BTBD9: variants seen among roughly 807,000 people sequenced by gnomAD.
BTBD9 encodes the protein BTB/POZ domain-containing protein 9.
Under a neutral mutation model 64.3 loss-of-function variants are expected in BTBD9, and 49 were observed. The observed-to-expected ratio is 0.76, with a 90% CI of 0.61 to 0.97. The LOEUF is 0.97. Ranked by LOEUF, BTBD9 falls within the 50% of genes least tolerant of loss-of-function variation. The probability of loss-of-function intolerance (pLI) is 0.00; values close to 1 mark genes in which losing one functional copy is unlikely to be tolerated. For synonymous variants in BTBD9, 260 were observed against 274.7 expected, an observed-to-expected ratio of 0.95 and a Z score of 0.53; for missense variants, 598 against 762.1, an observed-to-expected ratio of 0.78 and a Z score of 2.53.
intron 9 of BTBD9, among the ~76,000 whole-genome samples, chr6:38,203,123 A>T (rs969540961): frequency 1.3e-5 from 2 of 152,228 alleles, no homozygotes; most frequent in African/African-American, 2.4e-5. Flanking sequence ...CCACAATGAG[A>T]TATCATCTTA....
chr6:38,189,368 G>T (rs1761953202), intron 10 of BTBD9, among the ~76,000 whole-genome samples: 1 of 152,168 alleles, frequency 6.6e-6, no homozygotes, highest in Admixed American at 6.5e-5. Context: ...TATTTCCATT[G>T]TTCTCTAAGA....
rs367962996 is a variant in BTBD9 at position 38,607,928 on chromosome 6, T to C, written c.-27-9807A>G. ...TTCAAATCTTCCAATAAAATAAATATCAAATGACCCAACTGAGCTTCATTC... is the reference window on the plus strand; with the variant it reads ...TTCAAATCTTCCAATAAAATAAATACCAAATGACCCAACTGAGCTTCATTC... On this transcript the variant is annotated intron_variant, in intron 1 of 10. Coordinates refer to ENST00000481247, the MANE Select transcript of BTBD9 (RefSeq NM_001099272.2). 2.4e-4 allele frequency among the ~76,000 whole-genome samples: 36 copies of C among 152,212 alleles called. No homozygotes were observed. In the East Asian group the frequency reaches 6.4e-3, roughly 27 times the overall value.
chr6:38,476,948 T>A (rs1199952809), intron 6 of BTBD9, among the ~76,000 whole-genome samples: 1 of 152,226 alleles, frequency 6.6e-6, no homozygotes, highest in Non-Finnish European at 1.5e-5. Flanking sequence ...AACTGATTTT[T>A]AAAATATGCA....
intron 9 of BTBD9, among the ~76,000 whole-genome samples, chr6:38,201,006 C>A (rs1762444957): frequency 6.7e-6 from 1 of 150,086 alleles, no homozygotes; most frequent in Admixed American, 6.7e-5. Flanking sequence ...GGCAACAGAG[C>A]AAGACCCTGT....
At chr6:38,599,338 T>C (rs896803567) in intron 1 of BTBD9, among the ~76,000 whole-genome samples, 1 of 152,160 alleles carries the variant, frequency 6.6e-6, no homozygotes, top group Admixed American at 6.6e-5. Context: ...CAGGCTGTAG[T>C]GCAGTGGCGT....
In BTBD9 at chr6:38,239,854, A is replaced by G. The variant is rs77284712; in HGVS notation, c.1562+16555T>C. 9.6e-3 allele frequency among the ~76,000 whole-genome samples: 1,457 copies of G among 152,322 alleles called. 19 individuals are homozygous for G. The highest frequency in any genetic ancestry group is 0.032 in the African/African-American group (1,339 of 41,574). On this transcript the variant is annotated intron_variant, in intron 9 of 10. Transcript: ENST00000481247. ...AAGGGTCAGTGGAAAATTACTGCTT[A>G]TTATATAGTATTACATTTACAGAAA...
intron 6 of BTBD9, among the ~76,000 whole-genome samples, chr6:38,502,803 T>G (rs971005266): frequency 6.6e-6 from 1 of 152,172 alleles, no homozygotes; most frequent in African/African-American, 2.4e-5. Flanking sequence ...CTTGTGCAAT[T>G]TGATTCAATT....
At chr6:38,211,235 C>T (rs1363816482) in intron 9 of BTBD9, among the ~76,000 whole-genome samples, 1 of 152,086 alleles carries the variant, frequency 6.6e-6, no homozygotes, top group African/African-American at 2.4e-5. Flanking sequence ...CGAGACCATC[C>T]TGGCTAACAC....
chr6:38,284,259 G>C (rs971709435), intron 8 of BTBD9, among the ~76,000 whole-genome samples: 1 of 151,972 alleles, frequency 6.6e-6, no homozygotes, highest in African/African-American at 2.4e-5. Context: ...TTCTGCCTTT[G>C]GTGTGTTCAT....
intron 9 of BTBD9, among the ~76,000 whole-genome samples, chr6:38,250,252 A>AG (rs1324579022): frequency 9.9e-5 from 15 of 152,234 alleles, no homozygotes; most frequent in Non-Finnish European, 4.4e-5. Context: ...AAGAAATTTT[A>AG]GGATTGCAGA....
In BTBD9 at chr6:38,594,017, C is replaced by T; in HGVS notation, c.496G>A (p.Asp166Asn). 1 of 1,614,068 alleles carries T rather than the reference C, an allele frequency of 6.2e-7. No individual in the cohort carries two copies. The highest frequency in any genetic ancestry group is 2.2e-5 in the East Asian group (1 of 44,882). ...KLTCMCCMFM[D>N]RNAQEVLSSE... ...GAGAGGACTTCCTGAGCATTCCTATCCATAAACATGCAGCACATACAAGTT... is the reference window on the plus strand; with the variant it reads ...GAGAGGACTTCCTGAGCATTCCTATTCATAAACATGCAGCACATACAAGTT... The change falls in exon 3 of 11, where the codon GAT becomes AAT. Residue 166 changes from aspartate to asparagine, a missense_variant. Asp to Asn is a conservative substitution (Grantham distance 23). Transcript: ENST00000481247.
chr6:38,552,974 T>C (rs1774879214), intron 6 of BTBD9, among the ~76,000 whole-genome samples: 1 of 152,158 alleles, frequency 6.6e-6, no homozygotes, highest in Non-Finnish European at 1.5e-5. Flanking sequence ...TTGTATAGTA[T>C]AACCTACACA....
intron 6 of BTBD9, among the ~76,000 whole-genome samples, chr6:38,524,702 A>G (rs1773409586): frequency 6.6e-6 from 1 of 152,300 alleles, no homozygotes; most frequent in South Asian, 2.1e-4. Flanking sequence ...CATTTTGGCA[A>G]TATTTAAGTA....
intron 6 of BTBD9, among the ~76,000 whole-genome samples, chr6:38,489,413 G>A (rs918299112): frequency 1.3e-5 from 2 of 152,144 alleles, no homozygotes; most frequent in Non-Finnish European, 2.9e-5. Flanking sequence ...GTTGCAATAA[G>A]CTATGATTGT....
At chr6:38,493,851 C>T (rs2127393478) in intron 6 of BTBD9, among the ~76,000 whole-genome samples, 1 of 152,268 alleles carries the variant, frequency 6.6e-6, no homozygotes, top group Middle Eastern at 3.4e-3. Context: ...TAATTAGTCA[C>T]ATTAATTAAT....
At position 38,473,823 on chromosome 6, in the gene BTBD9, G is replaced by A. The variant is rs115445785; in HGVS notation, c.1154+103777C>T. 5.4e-3 allele frequency among the ~76,000 whole-genome samples: 816 copies of A among 152,230 alleles called. 7 individuals carry two copies. The highest frequency in any genetic ancestry group is 0.016 in the African/African-American group (677 of 41,542). ...CTTGGTATGGAGGAATTAATTAAGG[G>A]GTGATGGTAGTCAAAAAGGCTTCTC... On this transcript the variant is annotated intron_variant, in intron 6 of 10. Coordinates refer to ENST00000481247, the MANE Select transcript of BTBD9 (RefSeq NM_001099272.2).
intron 1 of BTBD9, among the ~76,000 whole-genome samples, chr6:38,621,361 C>G (rs1386682808): frequency 6.6e-6 from 1 of 152,222 alleles, no homozygotes. Flanking sequence ...TGACTGCCAA[C>G]AAATTGTAGC....
In BTBD9 at chr6:38,422,914, ACATAGTGAC is replaced by A. The variant is rs1767971466; in HGVS notation, c.1155-77830_1155-77822del. ...CCGGAAGTCATGATCAGCCTGGTCAACATAGTGACCAGGTAAGTCAGATACATAGTGAGA... is the reference window on the plus strand; with the variant it reads ...CCGGAAGTCATGATCAGCCTGGTCAACAGGTAAGTCAGATACATAGTGAGA... On this transcript the variant is annotated intron_variant, in intron 6 of 10. Coordinates refer to ENST00000481247, the MANE Select transcript of BTBD9 (RefSeq NM_001099272.2). 4.6e-5 allele frequency among the ~76,000 whole-genome samples: 7 copies of A among 152,288 alleles called. No individual in the cohort carries two copies. The South Asian group carries it at 1.5e-3, about 32-fold the overall frequency.
intron 1 of BTBD9, among the ~76,000 whole-genome samples, chr6:38,635,331 T>G (rs1320826328): frequency 6.6e-6 from 1 of 152,116 alleles, no homozygotes; most frequent in Non-Finnish European, 1.5e-5. Flanking sequence ...AGATAGGGTT[T>G]CACCATGTTG....
Sources: gnomAD v4.1 joint callset for allele counts (sites outside exome capture counted in the v4.1 genomes callset) on GRCh38, gnomAD v4.1.1 for gene constraint, MANE v1.5 for transcripts, NCBI Gene and HGNC (gene_info 2026-07-23, HGNC 2026-07-21) for gene names.